Variants in ME1 observed in about 807,000 individuals in gnomAD.
The protein encoded by ME1 is malic enzyme 1, also known as NADP-dependent malic enzyme.
A neutral mutation model predicts 66.4 loss-of-function variants in ME1; 74 were observed. That is an observed-to-expected ratio of 1.11 (90% CI 0.92 to 1.35). ME1 has a LOEUF of 1.35. Among genes scored for constraint, ME1 ranks in the 40% most tolerant of loss-of-function variants. The probability of loss-of-function intolerance (pLI) is 0.00; values close to 1 mark genes in which losing one functional copy is unlikely to be tolerated. For synonymous variants in ME1, 251 were observed against 235.6 expected, an observed-to-expected ratio of 1.07 and a Z score of -0.60; for missense variants, 750 against 694.1, an observed-to-expected ratio of 1.08 and a Z score of -0.90.
chr6:83,326,247 G>A (rs761490355), intron 5 of ME1, among the ~76,000 whole-genome samples: 5 of 152,056 alleles, frequency 3.3e-5, no homozygotes, highest in Admixed American at 6.6e-5. Flanking sequence ...AACTCAATAT[G>A]GATTAAAGAT....
intron 1 of ME1, among the ~76,000 whole-genome samples, chr6:83,410,543 T>G (rs1770030907): frequency 1.3e-5 from 2 of 152,096 alleles, no homozygotes; most frequent in Non-Finnish European, 2.9e-5. Flanking sequence ...GACAGTAATA[T>G]ATTTGAAAAA....
chr6:83,350,943 G>A (rs919043981), intron 4 of ME1, among the ~76,000 whole-genome samples: 2 of 106,216 alleles, frequency 1.9e-5, no homozygotes, highest in African/African-American at 7.5e-5. Flanking sequence ...TAGCAGAAAA[G>A]CTGAGGAAGC....
intron 7 of ME1, among the ~76,000 whole-genome samples, chr6:83,242,246 T>G (rs2128526259): frequency 6.6e-6 from 1 of 152,314 alleles, no homozygotes; most frequent in Non-Finnish European, 1.5e-5. Context: ...TTTTAGAAAC[T>G]TACGACTTTA....
intron 4 of ME1, among the ~76,000 whole-genome samples, chr6:83,350,452 C>G (rs1255446258): frequency 1.3e-5 from 2 of 152,106 alleles, no homozygotes; most frequent in African/African-American, 4.8e-5. Flanking sequence ...CCTCTATTGA[C>G]TTGTTAATTC....
At chr6:83,242,143 G>T in intron 7 of ME1, among the ~76,000 whole-genome samples, 1 of 152,124 alleles carries the variant, frequency 6.6e-6, no homozygotes, top group East Asian at 1.9e-4. Context: ...GATTACAGGC[G>T]TGATGAGCCA....
chr6:83,386,024 T>A (rs1245446833), intron 3 of ME1, among the ~76,000 whole-genome samples: 1 of 151,868 alleles, frequency 6.6e-6, no homozygotes, highest in African/African-American at 2.4e-5. Context: ...TCTGACTTGT[T>A]TCATATCTTT....
chr6:83,231,801 C>A (rs1196587440), intron 9 of ME1, among the ~76,000 whole-genome samples: 1 of 152,042 alleles, frequency 6.6e-6, no homozygotes. Flanking sequence ...GGGCACCTCT[C>A]ACCTCAGAAA....
At chr6:83,410,360 G>T (rs1029736420) in intron 1 of ME1, among the ~76,000 whole-genome samples, 4 of 151,978 alleles carry the variant, frequency 2.6e-5, no homozygotes, top group African/African-American at 9.7e-5. Flanking sequence ...AACCTGATTA[G>T]CATATTCATT....
chr6:83,426,837 T>C (rs958366362), intron 1 of ME1, among the ~76,000 whole-genome samples: 3 of 152,232 alleles, frequency 2.0e-5, no homozygotes, highest in African/African-American at 7.2e-5. Flanking sequence ...TTATGGGTCA[T>C]GTTATTATTT....
chr6:83,297,025 G>A (rs901465165), intron 6 of ME1, among the ~76,000 whole-genome samples: 1 of 151,972 alleles, frequency 6.6e-6, no homozygotes, highest in Non-Finnish European at 1.5e-5. Flanking sequence ...TTAACTCAGA[G>A]GAATAAACTT....
chr6:83,379,607 T>A (rs1306559187), intron 3 of ME1, among the ~76,000 whole-genome samples: 1 of 152,072 alleles, frequency 6.6e-6, no homozygotes, highest in Non-Finnish European at 1.5e-5. Context: ...TAATACATAA[T>A]TTACATTTGC....
intron 6 of ME1, among the ~76,000 whole-genome samples, chr6:83,293,903 T>C (rs2128535346): frequency 6.6e-6 from 1 of 152,354 alleles, no homozygotes; most frequent in East Asian, 1.9e-4. Flanking sequence ...CATTTAGTTG[T>C]AGCATCTATT....
chr6:83,216,679 T>A lies in ME1; in HGVS notation c.1450-83A>T, dbSNP rs1790001797. On this transcript the variant is annotated intron_variant, in intron 12 of 13. Transcript: ENST00000369705. The stretch of plus-strand genomic sequence containing the variant: ...GTACGCCAATAACTAAGTGAACGGT[T>A]ACATATAATGGTCTATACAAAAACC... The A allele has an allele frequency of 1.3e-5, 11 of 858,508 alleles. No homozygotes were observed. The South Asian group carries it at 1.7e-4, about 13-fold the overall frequency. 53.2% of individuals were successfully genotyped at this position (858,508 alleles called of 1,614,324 possible).
At chr6:83,257,472 T>C (rs1230039079) in intron 6 of ME1, among the ~76,000 whole-genome samples, 1 of 152,004 alleles carries the variant, frequency 6.6e-6, no homozygotes, top group African/African-American at 2.4e-5. Context: ...CAAGACAAAA[T>C]ATTTAAAACA....
At chr6:83,284,210 CAT>C (rs1351487947) in intron 6 of ME1, among the ~76,000 whole-genome samples, 2 of 152,044 alleles carry the variant, frequency 1.3e-5, no homozygotes. Flanking sequence ...CTAATAAGAA[CAT>C]ATTAACTTCC....
At chr6:83,279,109 C>G (rs1767243240) in intron 6 of ME1, among the ~76,000 whole-genome samples, 1 of 152,048 alleles carries the variant, frequency 6.6e-6, no homozygotes, top group South Asian at 2.1e-4. Flanking sequence ...TGGAAAAATC[C>G]AAAGACAAGA....
intron 1 of ME1, among the ~76,000 whole-genome samples, chr6:83,427,889 G>T (rs902816718): frequency 6.6e-6 from 1 of 151,930 alleles, no homozygotes. Context: ...GCACATGCCT[G>T]TAATCTCAGC....
chr6:83,430,666 C>T (rs936352785), intron 1 of ME1, among the ~76,000 whole-genome samples: 1 of 152,280 alleles, frequency 6.6e-6, no homozygotes, highest in Non-Finnish European at 1.5e-5. Flanking sequence ...GAGGCACCAG[C>T]ACTGCCCTGC....
Position 83,301,053 on chromosome 6 carries a change from G to T in ME1, c.704+14257C>A, listed in dbSNP as rs142053771. ...ACACACCAGGGCCTGCCATGGGATG[G>T]GGGGAGTGGGGAGGGATAGCATTAG... is the stretch of plus-strand genomic sequence containing the variant. On this transcript the variant is annotated intron_variant, in intron 6 of 13. Coordinates refer to ENST00000369705, the MANE Select transcript of ME1 (RefSeq NM_002395.6). Among the ~76,000 whole-genome samples, 753 of 152,168 alleles carry T rather than the reference G, an allele frequency of 4.9e-3. 23 individuals are homozygous for T. Among genetic ancestry groups the T allele is most frequent in the Admixed American group, 0.047 (714 of 15,288 alleles).
Sources: allele counts gnomAD v4.1 joint callset (sites outside exome capture counted in the v4.1 genomes callset), GRCh38; gene constraint gnomAD v4.1.1; transcripts MANE v1.5; gene names NCBI Gene and HGNC (gene_info 2026-07-23, HGNC 2026-07-21).